Variants in RASA2 observed in about 807,000 individuals in gnomAD.
The protein encoded by RASA2 is RAS p21 protein activator 2.
RASA2 carries 155 observed loss-of-function variants against 118.2 expected under a neutral mutation model. The observed-to-expected ratio is 1.31, with a 90% CI of 1.15 to 1.50. The LOEUF (loss-of-function observed/expected upper bound fraction) is 1.50, where lower values mean the gene tolerates loss of function less well. RASA2 is among the 40% of genes most tolerant of loss of function. The pLI, the probability that RASA2 is intolerant of heterozygous loss-of-function variation, is 0.00. For missense variants in RASA2, 1,016 were observed against 1,009.6 expected, an observed-to-expected ratio of 1.01 and a Z score of -0.09; for synonymous variants, 353 against 349.1, an observed-to-expected ratio of 1.01 and a Z score of -0.12.
intron 19 of RASA2, among the ~76,000 whole-genome samples, chr3:141,587,713 C>CAA (rs1156964232): frequency 0.042 from 2,348 of 55,634 alleles, 120 homozygotes; most frequent in African/African-American, 0.12. Flanking sequence ...GACTCCATCT[C>CAA]AAAAAAAAAA....
At chr3:141,505,098 C>G (rs766742318) in intron 1 of RASA2, among the ~76,000 whole-genome samples, 5 of 152,158 alleles carry the variant, frequency 3.3e-5, no homozygotes, top group Non-Finnish European at 7.3e-5. Context: ...CCTGCCATTC[C>G]CTAACTCTCT....
intron 1 of RASA2, among the ~76,000 whole-genome samples, chr3:141,487,581 G>A (rs1413874364): frequency 1.3e-5 from 2 of 152,004 alleles, no homozygotes; most frequent in African/African-American, 2.4e-5. Context: ...GCTTCCGGCC[G>A]CCCTCAGACT....
chr3:141,572,644 C>G lies in RASA2; in HGVS notation c.1205C>G (p.Ala402Gly). The G allele has an allele frequency of 5.0e-6, 8 of 1,613,580 alleles. No homozygotes were observed. The highest frequency in any genetic ancestry group is 6.8e-6 in the Non-Finnish European group (8 of 1,179,738). Reference sequence around the variant, plus strand: ...ACAATTTTTAGAGGAAATTCCCTGGCTACCCGATGTCTGGATGAGATGATG... The same window carrying G: ...ACAATTTTTAGAGGAAATTCCCTGGGTACCCGATGTCTGGATGAGATGATG... The part of the protein sequence containing the change: ...ANTIFRGNSL[A>G]TRCLDEMMKI... Residue 402 changes from alanine to glycine, a missense_variant, in exon 12 of 24, where the codon GCT becomes GGT. Coordinates refer to ENST00000286364, the MANE Select transcript of RASA2 (RefSeq NM_006506.5).
At position 141,503,908 on chromosome 3, in the gene RASA2, A is replaced by T. The variant is rs1019987736; in HGVS notation, c.134-8255A>T. 3.3e-5 allele frequency among the ~76,000 whole-genome samples: 5 copies of T among 152,236 alleles called. No homozygotes were observed. In the South Asian group the frequency reaches 8.3e-4, roughly 25 times the overall value. ...GGTAACTGTATACAGGAGACTTTTTAAAAAATCTTTGGAGTAGTTGACATA... is the reference window on the plus strand; with the variant it reads ...GGTAACTGTATACAGGAGACTTTTTTAAAAATCTTTGGAGTAGTTGACATA... On this transcript the variant is annotated intron_variant, in intron 1 of 23. Transcript: ENST00000286364.
chr3:141,524,869 G>A (rs1040638237), intron 3 of RASA2, among the ~76,000 whole-genome samples: 2 of 152,098 alleles, frequency 1.3e-5, no homozygotes, highest in Admixed American at 6.5e-5. Context: ...AGGATTACAC[G>A]CGTGAGCCAC....
chr3:141,497,933 ATTGT>A (rs747120134), intron 1 of RASA2, among the ~76,000 whole-genome samples: 7 of 152,142 alleles, frequency 4.6e-5, no homozygotes, highest in Non-Finnish European at 7.4e-5. Flanking sequence ...TGTTTGACTA[ATTGT>A]TTATGTTAGA....
At position 141,516,192 on chromosome 3, in the gene RASA2, A is replaced by C. The variant is rs1045969358; in HGVS notation, c.252-136A>C. On this transcript the variant is annotated intron_variant, in intron 2 of 23. Transcript: ENST00000286364. ...TTGTGCACATGTACCCTAGAACTTA[A>C]AGTATAATAAAATATATATATATTA... The C allele has an allele frequency of 4.0e-5, 22 of 544,788 alleles. No homozygotes were observed. In the African/African-American group the frequency reaches 4.5e-4, roughly 11 times the overall value. 33.7% of individuals were successfully genotyped at this position (544,788 alleles called of 1,614,324 possible).
At chr3:141,538,198 TG>T (rs1235288712) in intron 4 of RASA2, among the ~76,000 whole-genome samples, 4 of 152,086 alleles carry the variant, frequency 2.6e-5, no homozygotes. Context: ...AACTTTTGTG[TG>T]AAAAGAGACT....
chr3:141,488,457 C>A (rs879082544), intron 1 of RASA2, among the ~76,000 whole-genome samples: 1 of 152,116 alleles, frequency 6.6e-6, no homozygotes, highest in Admixed American at 6.5e-5. Flanking sequence ...CTCACATTCT[C>A]CCACTTTTCC....
At chr3:141,508,198 C>T (rs2081897717) in intron 1 of RASA2, among the ~76,000 whole-genome samples, 1 of 151,714 alleles carries the variant, frequency 6.6e-6, no homozygotes, top group African/African-American at 2.4e-5. Context: ...AAAGTTTCCT[C>T]ACGTTTAAGA....
At chr3:141,492,319 C>T (rs2081649263) in intron 1 of RASA2, among the ~76,000 whole-genome samples, 1 of 152,156 alleles carries the variant, frequency 6.6e-6, no homozygotes, top group South Asian at 2.1e-4. Context: ...GTTTTTGCTA[C>T]TAATAAAGTT....
At chr3:141,541,492 A>G (rs778230387) in intron 5 of RASA2, among the ~76,000 whole-genome samples, 3 of 152,052 alleles carry the variant, frequency 2.0e-5, no homozygotes, top group African/African-American at 7.2e-5. Context: ...CTCTTAATAT[A>G]TCAGTATGTA....
intron 3 of RASA2, among the ~76,000 whole-genome samples, chr3:141,517,442 T>G (rs1422668709): frequency 6.6e-6 from 1 of 152,166 alleles, no homozygotes; most frequent in Non-Finnish European, 1.5e-5. Flanking sequence ...CATCTTCACA[T>G]GGCTGGCAGG....
At chr3:141,562,392 G>A (rs540726734) in intron 9 of RASA2, among the ~76,000 whole-genome samples, 2,272 of 147,984 alleles carry the variant, frequency 0.015, 64 homozygotes, top group African/African-American at 0.052. Flanking sequence ...GGGAGCGCAA[G>A]GCAGGCGGAT....
chr3:141,581,116 C>T lies in RASA2; in HGVS notation c.1691C>T (p.Thr564Ile), dbSNP rs2083107101. ...TTTTCTTAGTCAAGTTTCAAAGAGA[C>T]ATTCATGTGTGAATTTTTCAAAATG... ...LSKSKSSFKETFMCEFFKMFQ... is the reference protein window; with the variant it reads ...LSKSKSSFKEIFMCEFFKMFQ... The change falls in exon 17 of 24, where the codon ACA becomes ATA. Residue 564 changes from threonine to isoleucine, a missense_variant. Thr to Ile is a moderately conservative substitution (Grantham distance 89, BLOSUM62 -1). Around this residue, in one of 2 missense-constraint regions of RASA2, gnomAD observed 896 missense variants for 836.4 expected, o/e 1.07. Coordinates refer to ENST00000286364, the MANE Select transcript of RASA2 (RefSeq NM_006506.5). 5 of 1,536,344 alleles carry T rather than the reference C, an allele frequency of 3.3e-6. No homozygotes were observed. In the East Asian group the frequency reaches 1.0e-4, roughly 31 times the overall value.
At chr3:141,588,352 A>G (rs544529734) in intron 19 of RASA2, among the ~76,000 whole-genome samples, 1 of 152,250 alleles carries the variant, frequency 6.6e-6, no homozygotes, top group Non-Finnish European at 1.5e-5. Flanking sequence ...CAACAAACCC[A>G]ATGGATATAG....
rs185226513 is a variant in RASA2 at position 141,574,973 on chromosome 3, A to T, written c.1483+906A>T. On this transcript the variant is annotated intron_variant, in intron 14 of 23. Coordinates refer to ENST00000286364, the MANE Select transcript of RASA2 (RefSeq NM_006506.5). Reference sequence around the variant, plus strand: ...AGCTATGTCAAGGTTTTGCTTAGAAACTTTTCATAAAATTAAGTGTTACTG... The same window carrying T: ...AGCTATGTCAAGGTTTTGCTTAGAATCTTTTCATAAAATTAAGTGTTACTG... Among the ~76,000 whole-genome samples, 23 of 152,314 alleles carry T rather than the reference A, an allele frequency of 1.5e-4. 1 individual carries two copies. Among genetic ancestry groups the T allele is most frequent in the Admixed American group, 1.3e-3 (20 of 15,300 alleles).
At chr3:141,527,614 AATC>A (rs2082202939) in intron 3 of RASA2, among the ~76,000 whole-genome samples, 1 of 152,046 alleles carries the variant, frequency 6.6e-6, no homozygotes, top group South Asian at 2.1e-4. Context: ...GAATTATGGT[AATC>A]ATTTGTGGTG....
intron 9 of RASA2, among the ~76,000 whole-genome samples, chr3:141,567,602 A>G (rs1380782890): frequency 6.6e-6 from 1 of 152,160 alleles, no homozygotes; most frequent in Non-Finnish European, 1.5e-5. Context: ...GTATTCACAA[A>G]ATATAAGAAA....
Sources: gnomAD v4.1 joint callset for allele counts (sites outside exome capture counted in the v4.1 genomes callset) on GRCh38, gnomAD v4.1.1 for gene constraint, gnomAD v4.1.1 regional missense constraint, MANE v1.5 for transcripts, NCBI Gene and HGNC (gene_info 2026-07-23, HGNC 2026-07-21) for gene names.